Variants in CAP2 observed in about 807,000 individuals in gnomAD.
CAP2 encodes the protein cyclase associated actin cytoskeleton regulatory protein 2.
Under a neutral mutation model 57.7 loss-of-function variants are expected in CAP2, and 24 were observed. That is an observed-to-expected ratio of 0.42 (90% confidence interval 0.30 to 0.58). The LOEUF (loss-of-function observed/expected upper bound fraction) is 0.58, where lower values mean the gene tolerates loss of function less well. Among genes scored for constraint, CAP2 ranks in the 20% least tolerant of loss-of-function variants. The pLI is 0.22. For missense variants in CAP2, 501 were observed against 590.3 expected (o/e 0.85, Z 1.57); for synonymous variants, 194 against 207.2 (o/e 0.94, Z 0.55).
chr6:17,478,297 C>CTTT (rs58472723), intron 4 of CAP2, among the ~76,000 whole-genome samples: 3 of 120,390 alleles, frequency 2.5e-5, no homozygotes, highest in Admixed American at 8.5e-5. Context: ...ACTACACCTA[C>CTTT]TTTTTTTTTT....
chr6:17,489,556 T>C (rs1761500377), intron 4 of CAP2, among the ~76,000 whole-genome samples: 1 of 152,152 alleles, frequency 6.6e-6, no homozygotes, highest in Admixed American at 6.5e-5. Context: ...CCAAAGGGTG[T>C]TGAATGACCA....
chr6:17,492,561 G>A (rs1761570324), intron 4 of CAP2, among the ~76,000 whole-genome samples: 1 of 152,116 alleles, frequency 6.6e-6, no homozygotes, highest in Non-Finnish European at 1.5e-5. Flanking sequence ...CCAGTTGGGG[G>A]GAAAAGCAGC....
intron 1 of CAP2, among the ~76,000 whole-genome samples, chr6:17,416,740 G>C (rs1759285030): frequency 6.6e-6 from 1 of 152,202 alleles, no homozygotes; most frequent in Non-Finnish European, 1.5e-5. Flanking sequence ...TTATGACACA[G>C]AATGGAAGAG....
Position 17,469,931 on chromosome 6 carries a change from C to T in CAP2, c.300+6858C>T, listed in dbSNP as rs569738931. On this transcript the variant is annotated intron_variant, in intron 4 of 12. Transcript: ENST00000229922. ...CATTAAACTAAGCAAAAAAGCCTAG[C>T]GGCAGTGATCTTAGGACTTAAGCTA... is the stretch of plus-strand genomic sequence containing the variant. Among the ~76,000 whole-genome samples the T allele has an allele frequency of 2.6e-5, 4 of 152,196 alleles. No individual in the cohort carries two copies. In the East Asian group the frequency reaches 7.7e-4, roughly 29 times the overall value.
At chr6:17,472,413 T>C (rs1561795609) in intron 4 of CAP2, among the ~76,000 whole-genome samples, 1 of 152,164 alleles carries the variant, frequency 6.6e-6, no homozygotes, top group Non-Finnish European at 1.5e-5. Context: ...AGGCAATATA[T>C]GCTTTTAATT....
chr6:17,433,393 C>G (rs981052968), intron 3 of CAP2, among the ~76,000 whole-genome samples: 3 of 152,228 alleles, frequency 2.0e-5, no homozygotes, highest in African/African-American at 7.2e-5. Context: ...GTTGTCATGG[C>G]AGCTGTGTCT....
chr6:17,402,539 A>G (rs995924575), intron 1 of CAP2, among the ~76,000 whole-genome samples: 2 of 152,262 alleles, frequency 1.3e-5, no homozygotes, highest in Non-Finnish European at 2.9e-5. Context: ...ACTCTAAAAA[A>G]GAATGAAATT....
chr6:17,533,390 C>G (rs1225032274), intron 7 of CAP2, among the ~76,000 whole-genome samples: 1 of 151,960 alleles, frequency 6.6e-6, no homozygotes. Context: ...AGTACAGTAG[C>G]TTTTTAAAAA....
At chr6:17,443,576 C>CACACAG (rs1405184600) in intron 3 of CAP2, among the ~76,000 whole-genome samples, 1 of 150,950 alleles carries the variant, frequency 6.6e-6, no homozygotes, top group Admixed American at 6.6e-5. Flanking sequence ...AACACACAGA[C>CACACAG]ACACACACAC....
intron 4 of CAP2, among the ~76,000 whole-genome samples, chr6:17,490,411 A>G (rs149142374): frequency 6.6e-6 from 1 of 152,340 alleles, no homozygotes; most frequent in East Asian, 1.9e-4. Context: ...TCTTGAAATT[A>G]CTTTCCTTTT....
At chr6:17,465,004 AC>A (rs987275552) in intron 4 of CAP2, among the ~76,000 whole-genome samples, 5 of 152,284 alleles carry the variant, frequency 3.3e-5, no homozygotes, top group African/African-American at 1.2e-4. Context: ...CAGGCCTTAG[AC>A]AAAAAAGCCA....
At chr6:17,501,864 G>A (rs1761829919) in intron 4 of CAP2, among the ~76,000 whole-genome samples, 1 of 152,128 alleles carries the variant, frequency 6.6e-6, no homozygotes, top group Admixed American at 6.6e-5. Flanking sequence ...CCTTGGAAAC[G>A]TTTGCTGAAA....
intron 2 of CAP2, among the ~76,000 whole-genome samples, chr6:17,425,388 T>C (rs1381453357): frequency 1.3e-5 from 2 of 152,174 alleles, no homozygotes; most frequent in Non-Finnish European, 2.9e-5. Context: ...AGCAGTCAAT[T>C]TCATTCCCAC....
intron 4 of CAP2, among the ~76,000 whole-genome samples, chr6:17,464,804 C>T (rs2113600403): frequency 6.6e-6 from 1 of 152,328 alleles, no homozygotes; most frequent in Admixed American, 6.5e-5. Context: ...TGCAGAAGAG[C>T]AAAATGAAAC....
intron 7 of CAP2, chr6:17,531,680 G>A (rs1056268531): frequency 2.6e-6 from 2 of 767,686 alleles, no homozygotes; most frequent in Non-Finnish European, 2.1e-6. Context: ...TTAAAAATGG[G>A]TAAGAACACT....
intron 4 of CAP2, among the ~76,000 whole-genome samples, chr6:17,499,739 CA>C (rs1447337194): frequency 1.3e-5 from 2 of 151,702 alleles, no homozygotes; most frequent in African/African-American, 4.8e-5. Context: ...TGGTTCCAGC[CA>C]CCTGGGAGGG....
intron 4 of CAP2, among the ~76,000 whole-genome samples, chr6:17,467,520 C>G (rs1760896740): frequency 6.6e-6 from 1 of 152,188 alleles, no homozygotes; most frequent in East Asian, 1.9e-4. Flanking sequence ...CAATTATACT[C>G]TTAACGTTTG....
chr6:17,494,029 G>T (rs1279095757), intron 4 of CAP2, among the ~76,000 whole-genome samples: 1 of 152,100 alleles, frequency 6.6e-6, no homozygotes, highest in South Asian at 2.1e-4. Context: ...CCCACATCCG[G>T]TCTAAAATCT....
intron 7 of CAP2, among the ~76,000 whole-genome samples, chr6:17,536,592 T>C (rs1762780320): frequency 6.6e-6 from 1 of 152,230 alleles, no homozygotes; most frequent in African/African-American, 2.4e-5. Context: ...TATGTGGCTT[T>C]TTAGTTTCAG....
Sources: allele counts gnomAD v4.1 joint callset (sites outside exome capture counted in the v4.1 genomes callset), GRCh38; gene constraint gnomAD v4.1.1; transcripts MANE v1.5; gene names NCBI Gene and HGNC (gene_info 2026-07-23, HGNC 2026-07-21).